The following RBFOX1 variants were observed in gnomAD, a reference collection of about 807,000 sequenced individuals.
RBFOX1 encodes the protein RNA binding fox-1 homolog 1, also known as RNA binding protein fox-1 homolog 1.
A neutral mutation model predicts 57.7 loss-of-function variants in RBFOX1; 8 were observed. The ratio of observed to expected loss-of-function variants is 0.14; its 90% CI spans 0.08 to 0.25. The LOEUF (loss-of-function observed/expected upper bound fraction) is 0.25, where lower values mean the gene tolerates loss of function less well. RBFOX1 is among the 10% of genes least tolerant of loss of function. The probability of loss-of-function intolerance (pLI) is 1.00; values close to 1 mark genes in which losing one functional copy is unlikely to be tolerated. For synonymous variants in RBFOX1, 326 were observed against 222.4 expected (o/e 1.47, Z -4.15); for missense variants, 611 against 548.5 (o/e 1.11, Z -1.14).
intron 14 of RBFOX1, among the ~76,000 whole-genome samples, chr16:7,695,430 G>A (rs1036390486): frequency 7.9e-5 from 12 of 151,976 alleles, no homozygotes; most frequent in African/African-American, 2.9e-4. Flanking sequence ...AAGGTGGGTG[G>A]ATCATGAGGG....
chr16:6,016,558 C>A (rs1402333246), upstream of RBFOX1, among the ~76,000 whole-genome samples: 1 of 152,194 alleles, frequency 6.6e-6, no homozygotes, highest in Admixed American at 6.5e-5. Flanking sequence ...GAAATTTACA[C>A]TTTAGAGAGC....
intron 4 of RBFOX1, among the ~76,000 whole-genome samples, chr16:7,499,016 C>T (rs1267521096): frequency 2.0e-5 from 3 of 152,178 alleles, no homozygotes; most frequent in African/African-American, 7.2e-5. Context: ...TGACATCACT[C>T]AATACTAGGT....
At chr16:6,371,391 G>A (rs2090415097) in intron 2 of RBFOX1, among the ~76,000 whole-genome samples, 1 of 152,066 alleles carries the variant, frequency 6.6e-6, no homozygotes, top group Non-Finnish European at 1.5e-5. Flanking sequence ...ACTTATTTCA[G>A]TATAAAGTCA....
chr16:7,655,741 G>T (rs1362861008), intron 12 of RBFOX1, among the ~76,000 whole-genome samples: 1 of 152,096 alleles, frequency 6.6e-6, no homozygotes, highest in Non-Finnish European at 1.5e-5. Context: ...CAGTACATGG[G>T]AGTTGAAGGG....
rs566148448 is a variant in RBFOX1 at position 7,209,737 on chromosome 16, G to A, written c.27+157639G>A. Among the ~76,000 whole-genome samples the A allele has an allele frequency of 7.2e-5, 11 of 152,294 alleles. No homozygotes were observed. The East Asian group carries it at 1.5e-3, about 21-fold the overall frequency. Reference sequence around the variant, plus strand: ...TTCACTGAGTGTAACCTTTGTGGGGGCAGGAGTCTTGTCTGAGTCATCATT... The same window carrying A: ...TTCACTGAGTGTAACCTTTGTGGGGACAGGAGTCTTGTCTGAGTCATCATT... On this transcript the variant is annotated intron_variant, in intron 4 of 15. Transcript: ENST00000550418.
chr16:5,442,175 T>C (rs1013423967), intron 1 of RBFOX1, among the ~76,000 whole-genome samples: 1 of 152,208 alleles, frequency 6.6e-6, no homozygotes, highest in Non-Finnish European at 1.5e-5. Flanking sequence ...GTGCCTTATC[T>C]GAGACTGGAA....
chr16:6,656,224 T>A (rs1023304887), intron 3 of RBFOX1, among the ~76,000 whole-genome samples: 2 of 152,210 alleles, frequency 1.3e-5, no homozygotes, highest in Admixed American at 6.5e-5. Flanking sequence ...TTAGAAAGCA[T>A]GTTCCCCAAC....
At chr16:5,779,216 C>G (rs1392342219) in intron 3 of RBFOX1, among the ~76,000 whole-genome samples, 2 of 152,170 alleles carry the variant, frequency 1.3e-5, no homozygotes, top group Non-Finnish European at 2.9e-5. Flanking sequence ...GTGTGCAGAC[C>G]AGACCCCTCT....
At chr16:6,813,576 T>C (rs1184734214) in intron 3 of RBFOX1, among the ~76,000 whole-genome samples, 2 of 152,156 alleles carry the variant, frequency 1.3e-5, no homozygotes, top group South Asian at 2.1e-4. Flanking sequence ...GTCTCTTTCA[T>C]CTTCTGCATC....
At chr16:5,774,277 A>G (rs1597198522) in intron 3 of RBFOX1, among the ~76,000 whole-genome samples, 1 of 152,130 alleles carries the variant, frequency 6.6e-6, no homozygotes, top group Non-Finnish European at 1.5e-5. Context: ...ACAGACCAAC[A>G]TTCCTTTTCT....
chr16:5,375,305 T>G (rs2065957594), intron 1 of RBFOX1, among the ~76,000 whole-genome samples: 1 of 151,970 alleles, frequency 6.6e-6, no homozygotes, highest in Non-Finnish European at 1.5e-5. Context: ...GAACCCACCA[T>G]AGGGAAAACT....
chr16:7,073,631 C>T lies in RBFOX1; in HGVS notation c.27+21533C>T, dbSNP rs368647580. On this transcript the variant is annotated intron_variant, in intron 4 of 15. Transcript: ENST00000550418. ...GGTCGAGGTGAGTGGAGCACTTGAG[C>T]CCAAGACTTCAAGACCGGCCTGGGC... 1.6e-4 allele frequency among the ~76,000 whole-genome samples: 25 copies of T among 152,118 alleles called. 2 individuals carry two copies. Among genetic ancestry groups the T allele is most frequent in the East Asian group, 1.4e-3 (7 of 5,162 alleles).
chr16:6,107,948 C>T (rs2096402105), intron 1 of RBFOX1, among the ~76,000 whole-genome samples: 1 of 152,068 alleles, frequency 6.6e-6, no homozygotes, highest in Non-Finnish European at 1.5e-5. Flanking sequence ...CATTGCCTTT[C>T]TTGCCTTATC....
At chr16:7,487,162 A>G (rs1489984481) in intron 4 of RBFOX1, among the ~76,000 whole-genome samples, 2 of 152,140 alleles carry the variant, frequency 1.3e-5, no homozygotes, top group Admixed American at 1.3e-4. Flanking sequence ...GGCCTCCAAA[A>G]GTGCTGGGAT....
chr16:7,157,872 G>A (rs535573924), intron 4 of RBFOX1, among the ~76,000 whole-genome samples: 1 of 152,212 alleles, frequency 6.6e-6, no homozygotes, highest in Admixed American at 6.5e-5. Flanking sequence ...ATATATTTCA[G>A]CTTCTCTGTT....
At chr16:7,230,037 G>A (rs1194377951) in intron 4 of RBFOX1, among the ~76,000 whole-genome samples, 4 of 68,410 alleles carry the variant, frequency 5.8e-5, no homozygotes, top group Non-Finnish European at 1.4e-4. Flanking sequence ...AGGAAGGAAG[G>A]GAGAGAGAGG....
intron 3 of RBFOX1, among the ~76,000 whole-genome samples, chr16:6,965,094 G>A (rs1317666781): frequency 1.3e-5 from 2 of 152,002 alleles, no homozygotes; most frequent in Non-Finnish European, 2.9e-5. Flanking sequence ...TTCTTCCTAG[G>A]TCATGAGGTG....
At chr16:6,768,704 T>C (rs991819540) in intron 3 of RBFOX1, among the ~76,000 whole-genome samples, 2 of 150,394 alleles carry the variant, frequency 1.3e-5, no homozygotes, top group African/African-American at 4.9e-5. Flanking sequence ...CCTATATATA[T>C]ATATGTATAT....
At chr16:5,609,119 A>G (rs770049978) in intron 3 of RBFOX1, among the ~76,000 whole-genome samples, 1 of 152,196 alleles carries the variant, frequency 6.6e-6, no homozygotes, top group Non-Finnish European at 1.5e-5. Flanking sequence ...TTGCTAAGAA[A>G]TAAAATTATT....
Sources: allele counts gnomAD v4.1 joint callset (sites outside exome capture counted in the v4.1 genomes callset), GRCh38; gene constraint gnomAD v4.1.1; transcripts MANE v1.5; gene names NCBI Gene and HGNC (gene_info 2026-07-23, HGNC 2026-07-21).